The following ETV3 variants were observed in gnomAD, a reference collection of about 807,000 sequenced individuals.
The protein encoded by ETV3 is ETS translocation variant 3.
In ETV3, 8 loss-of-function variants were observed where a neutral mutation model predicts 33.0. The ratio of observed to expected loss-of-function variants is 0.24; its 90% CI spans 0.14 to 0.44. The LOEUF (loss-of-function observed/expected upper bound fraction) is 0.44, where lower values mean the gene tolerates loss of function less well. ETV3 is among the 20% of genes least tolerant of loss of function. ETV3 has a pLI of 1.00. For synonymous variants in ETV3, 222 were observed against 238.9 expected, an observed-to-expected ratio of 0.93 and a Z score of 0.65; for missense variants, 473 against 652.3, an observed-to-expected ratio of 0.73 and a Z score of 2.99.
Position 157,123,816 on chromosome 1 carries a change from G to C in ETV3, c.*1025C>G, listed in dbSNP as rs1254697535. 1 of 152,086 alleles carries C rather than the reference G, an allele frequency of 6.6e-6. No individual in the cohort carries two copies. The highest frequency in any genetic ancestry group is 6.5e-5 in the Admixed American group (1 of 15,270). The allele number at this position is 152,086 out of a possible 1,614,324, so 9.4% of individuals were successfully genotyped here. A position where few individuals can be genotyped will look rare whatever the true frequency, so the allele number is the denominator to read the frequency against. ...ATCTTAAAGTATGTTCATAGTTAAG[G>C]CTTGACTTAAGAAAATAAGAGAACC... is the stretch of plus-strand genomic sequence containing the variant. On this transcript the variant is annotated 3_prime_UTR_variant, in exon 5 of 5. Coordinates refer to ENST00000368192, the MANE Select transcript of ETV3 (RefSeq NM_001145312.3).
chr1:157,131,842 G>A (rs1452807446), intron 4 of ETV3, among the ~76,000 whole-genome samples: 2 of 152,140 alleles, frequency 1.3e-5, no homozygotes, highest in Admixed American at 6.5e-5. Flanking sequence ...AACAACATTT[G>A]GCCTCTCTGG....
chr1:157,132,872 T>C (rs913188781), intron 4 of ETV3, among the ~76,000 whole-genome samples: 1 of 152,126 alleles, frequency 6.6e-6, no homozygotes, highest in Non-Finnish European at 1.5e-5. Context: ...AGTAATTACA[T>C]ATCTGCAATG....
Position 157,124,238 on chromosome 1 carries a change from CAAAAAAAAAAAAA to C in ETV3, c.*590_*602del, listed in dbSNP as rs11348539. ...GAAAAAAATGCCAAACAACACCAAC[CAAAAAAAAAAAAA>C]AAAAAAAAAGAAGGAAGAAGAAAAA... On this transcript the variant is annotated 3_prime_UTR_variant, in exon 5 of 5. Transcript: ENST00000368192. 1 of 67,694 alleles carries C rather than the reference CAAAAAAAAAAAAA, an allele frequency of 1.5e-5. No homozygotes were observed. Among genetic ancestry groups the C allele is most frequent in the South Asian group, 6.0e-4 (1 of 1,668 alleles). The allele number at this position is 67,694 out of a possible 1,614,324, so 4.2% of individuals were successfully genotyped here. A position where few individuals can be genotyped will look rare whatever the true frequency, so the allele number is the denominator to read the frequency against.
rs550153438 is a variant in ETV3 at position 157,125,279 on chromosome 1, T to C, written c.1101A>G (p.Pro367=). ...ERVESSEESA[P]VTTPTMASIP... is the part of the protein sequence containing the mutation. Reference sequence around the variant, plus strand: ...TAGAAGCCATGGTGGGCGTGGTGACTGGTGCTGACTCCTCGCTGCTCTCAA... The same window carrying C: ...TAGAAGCCATGGTGGGCGTGGTGACCGGTGCTGACTCCTCGCTGCTCTCAA... Residue 367 remains proline (P), a synonymous_variant, in exon 5 of 5, where the codon CCA becomes CCG. Coordinates refer to ENST00000368192, the MANE Select transcript of ETV3 (RefSeq NM_001145312.3). The surrounding 1 kb of genome is among the most constrained non-coding windows in gnomAD (Gnocchi z 4.0). The C allele has an allele frequency of 4.5e-6, 7 of 1,552,016 alleles. No homozygotes were observed. Among genetic ancestry groups the C allele is most frequent in the Non-Finnish European group, 6.1e-6 (7 of 1,147,092 alleles).
chr1:157,126,843 A>G (rs371000782), intron 4 of ETV3, among the ~76,000 whole-genome samples: 196 of 108,904 alleles, frequency 1.8e-3, no homozygotes, highest in African/African-American at 4.4e-3. Flanking sequence ...GGCTGACTGT[A>G]GGGAGGGGAA....
In ETV3 at chr1:157,125,563, T is replaced by C. The variant is rs769073682; in HGVS notation, c.817A>G (p.Ile273Val). Residue 273 changes from isoleucine to valine, a missense_variant, in exon 5 of 5, where the codon ATC becomes GTC. Physicochemically the swap from Ile to Val is conservative, Grantham distance 29 (BLOSUM62 3). Transcript: ENST00000368192. This position sits in a 1 kb window ranked among gnomAD's most constrained non-coding sequence, Gnocchi z 4.0. Reference protein sequence around the residue: ...ISPALSLTPTIFSYSPSPGLS... With the variant: ...ISPALSLTPTVFSYSPSPGLS... ...CCTGGTGATGGGCTATAGGAGAAGA[T>C]GGTGGGAGTCAGGGAGAGGGCTGGT... The C allele has an allele frequency of 4.3e-5, 66 of 1,551,892 alleles. 2 individuals are homozygous for C. The South Asian group carries it at 5.9e-4, about 14-fold the overall frequency.
In ETV3 at chr1:157,125,805, G is replaced by A; in HGVS notation, c.575C>T (p.Ser192Leu). ...AGCAGCTGAGCCATCCTCCAGCTCT[G>A]AAAGCTCAGTCTTTCTATCAGTACC... ...SNGTDRKTEL[S>L]ELEDGSAADW... The change falls in exon 5 of 5, where the codon TCA (serine) becomes TTA (leucine). Residue 192 changes from serine (S) to leucine (L), a missense_variant. By Grantham distance (145) the Ser-to-Leu change is moderately radical. Coordinates refer to ENST00000368192, the MANE Select transcript of ETV3 (RefSeq NM_001145312.3). This position sits in a 1 kb window ranked among gnomAD's most constrained non-coding sequence, Gnocchi z 4.0. 2 of 1,551,700 alleles carry A rather than the reference G, an allele frequency of 1.3e-6. No homozygotes were observed. Among genetic ancestry groups the A allele is most frequent in the Non-Finnish European group, 1.7e-6 (2 of 1,146,992 alleles).
At position 157,124,791 on chromosome 1, in the gene ETV3, C is replaced by A; in HGVS notation, c.*50G>T. 9 of 225,188 alleles carry A rather than the reference C, an allele frequency of 4.0e-5. No individual in the cohort carries two copies. Among genetic ancestry groups the A allele is most frequent in the Non-Finnish European group, 6.8e-5 (9 of 131,672 alleles). 13.9% of individuals were successfully genotyped at this position (225,188 alleles called of 1,614,324 possible). On this transcript the variant is annotated 3_prime_UTR_variant, in exon 5 of 5. Transcript: ENST00000368192. ...ACCCTGAAATCTTGCTACATAAATA[C>A]ATGTATGTATTTGATTATAGTATAA...
Position 157,137,511 on chromosome 1 carries a change from C to A in ETV3, c.-14+805G>T, listed in dbSNP as rs769850880. Reference sequence around the variant, plus strand: ...AAAGGAAGGAGCAGACAAGGAAAAACACACACACACACACACACACACACA... The same window carrying A: ...AAAGGAAGGAGCAGACAAGGAAAAAAACACACACACACACACACACACACA... On this transcript the variant is annotated intron_variant, in intron 1 of 4. Coordinates refer to ENST00000368192, the MANE Select transcript of ETV3 (RefSeq NM_001145312.3). Among the ~76,000 whole-genome samples the A allele has an allele frequency of 4.2e-3, 145 of 34,726 alleles. No individual in the cohort carries two copies. The Middle Eastern group carries it at 0.058, about 14-fold the overall frequency. 22.8% of individuals were successfully genotyped at this position (34,726 alleles called of 152,430 possible). A position where few individuals can be genotyped will look rare whatever the true frequency, so the allele number is the denominator to read the frequency against.
At chr1:157,128,466 C>G in intron 4 of ETV3, 1 of 316,374 alleles carries the variant, frequency 3.2e-6, no homozygotes, top group Middle Eastern at 6.0e-4. Flanking sequence ...ATCTCCATGT[C>G]TCTTTGGGTG....
intron 4 of ETV3, among the ~76,000 whole-genome samples, chr1:157,132,312 C>T (rs530274489): frequency 3.3e-5 from 5 of 152,264 alleles, no homozygotes; most frequent in South Asian, 4.1e-4. Flanking sequence ...CAATCGCCTT[C>T]GGGCAGAACA....
intron 4 of ETV3, chr1:157,128,662 T>G (rs1041832239): frequency 5.2e-6 from 1 of 191,742 alleles, no homozygotes; most frequent in African/African-American, 2.4e-5. Flanking sequence ...AAAAAGCTAC[T>G]AATGGATAAT....
chr1:157,133,811 A>G (rs1267198724), intron 4 of ETV3: 1 of 1,124,558 alleles, frequency 8.9e-7, no homozygotes, highest in African/African-American at 1.6e-5. Context: ...CGTAAAGATC[A>G]TCACAAACCT....
chr1:157,133,707 C>G (rs928587675), intron 4 of ETV3: 9 of 999,220 alleles, frequency 9.0e-6, no homozygotes, highest in Non-Finnish European at 8.3e-6. Context: ...TAAGGGAGAG[C>G]TTGGTAGTTT....
chr1:157,136,138 G>A (rs1478623325), intron 2 of ETV3, among the ~76,000 whole-genome samples, 169 bp downstream of exon 2: 8 of 152,184 alleles, frequency 5.3e-5, no homozygotes, highest in African/African-American at 1.9e-4. Flanking sequence ...GACCAGACAT[G>A]TTAAATATAC....
chr1:157,128,552 C>A, intron 4 of ETV3: 1 of 251,776 alleles, frequency 4.0e-6, no homozygotes, highest in Non-Finnish European at 8.2e-6. Context: ...GAGAGGATAC[C>A]GATGGAGTAT....
At position 157,125,986 on chromosome 1, in the gene ETV3, T is replaced by C. The variant is rs1484949396; in HGVS notation, c.401-7A>G. On this transcript the variant is annotated splice_region_variant and splice_polypyrimidine_tract_variant and intron_variant, in intron 4 of 4. Coordinates refer to ENST00000368192, the MANE Select transcript of ETV3 (RefSeq NM_001145312.3). This position sits in a 1 kb window ranked among gnomAD's most constrained non-coding sequence, Gnocchi z 4.0. ...GCACTCTGAGGAACCACACCTGTGA[T>C]GGTGGAAAATACAAAAGCCTGCATC... 3 of 1,531,040 alleles carry C rather than the reference T, an allele frequency of 2.0e-6. No individual in the cohort carries two copies. The Admixed American group carries it at 6.3e-5, about 32-fold the overall frequency. 94.8% of individuals were successfully genotyped at this position (1,531,040 alleles called of 1,614,324 possible).
At chr1:157,135,390 T>A in intron 3 of ETV3, 81 bp downstream of exon 3, 1 of 1,509,980 alleles carries the variant, frequency 6.6e-7, no homozygotes, top group Non-Finnish European at 9.1e-7. Flanking sequence ...TATTACCTGA[T>A]ACCCTTTTTA....
rs1674734967 is a variant in ETV3, at chr1:157,122,879, G to A, written c.*1962C>T. ...CTACCCTCTCAGTCCCATTCCTGGG[G>A]AAAGGTAGGTCACTCATGGAATTTG... On this transcript the variant is annotated 3_prime_UTR_variant, in exon 5 of 5. Transcript: ENST00000368192. 1 of 152,184 alleles carries A rather than the reference G, an allele frequency of 6.6e-6. No individual in the cohort carries two copies. The highest frequency in any genetic ancestry group is 6.5e-5 in the Admixed American group (1 of 15,276). 9.4% of individuals were successfully genotyped at this position (152,184 alleles called of 1,614,324 possible).
Sources: gnomAD v4.1 joint callset for allele counts (sites outside exome capture counted in the v4.1 genomes callset) on GRCh38, gnomAD v4.1.1 for gene constraint, Gnocchi (gnomAD v3.1) non-coding constraint, MANE v1.5 for transcripts, NCBI Gene and HGNC (gene_info 2026-07-23, HGNC 2026-07-21) for gene names.